The following CSMD3 variants were observed in gnomAD, a reference collection of about 807,000 sequenced individuals.
The protein encoded by CSMD3 is CUB and sushi domain-containing protein 3.
In CSMD3, 177 loss-of-function variants were observed where a neutral mutation model predicts 435.2. The ratio of observed to expected loss-of-function variants is 0.41; its 90% CI spans 0.36 to 0.46. The LOEUF is 0.46. Among genes scored for constraint, CSMD3 ranks in the 20% least tolerant of loss-of-function variants. The probability of loss-of-function intolerance (pLI) is 0.34; values close to 1 mark genes in which losing one functional copy is unlikely to be tolerated. For missense variants in CSMD3, 4,265 were observed against 4,504.6 expected (o/e 0.95, Z 1.52); for synonymous variants, 1,656 against 1,520.5 (o/e 1.09, Z -2.07).
intron 3 of CSMD3, among the ~76,000 whole-genome samples, chr8:113,273,130 T>C (rs543783751): frequency 3.4e-4 from 51 of 152,070 alleles, no homozygotes; most frequent in African/African-American, 1.2e-3. Flanking sequence ...CCTATAAATA[T>C]GTATAATTAT....
At chr8:113,197,063 A>G (rs889999604) in intron 3 of CSMD3, among the ~76,000 whole-genome samples, 2 of 151,258 alleles carry the variant, frequency 1.3e-5, no homozygotes, top group Admixed American at 6.6e-5. Context: ...AAAGTGTTCA[A>G]TAAACATTCA....
chr8:112,227,408 G>C (rs1254296970), intron 70 of CSMD3, among the ~76,000 whole-genome samples: 2 of 152,106 alleles, frequency 1.3e-5, no homozygotes, highest in African/African-American at 4.8e-5. Flanking sequence ...GGGGAGTGAG[G>C]AGTGACAACT....
intron 17 of CSMD3, among the ~76,000 whole-genome samples, chr8:112,656,752 A>T (rs2075267590): frequency 6.6e-6 from 1 of 152,046 alleles, no homozygotes; most frequent in Non-Finnish European, 1.5e-5. Flanking sequence ...CAAATTTGAC[A>T]TCTGCTTTTA....
At chr8:113,172,544 C>G (rs1406986733) in intron 4 of CSMD3, among the ~76,000 whole-genome samples, 1 of 152,130 alleles carries the variant, frequency 6.6e-6, no homozygotes, top group Non-Finnish European at 1.5e-5. Flanking sequence ...CTTATTTAAT[C>G]CTCACAAGAA....
chr8:112,526,554 G>T (rs904472084), intron 27 of CSMD3, among the ~76,000 whole-genome samples: 1 of 151,924 alleles, frequency 6.6e-6, no homozygotes. Context: ...TATGAATTTT[G>T]TGTATACAAC....
intron 13 of CSMD3, among the ~76,000 whole-genome samples, chr8:112,749,037 C>G (rs971693135): frequency 7.9e-5 from 12 of 152,130 alleles, no homozygotes; most frequent in African/African-American, 2.9e-4. Context: ...GCCATTCTGA[C>G]TGGTGTGAGA....
chr8:113,354,024 A>C (rs2094206099), intron 1 of CSMD3, among the ~76,000 whole-genome samples: 1 of 152,152 alleles, frequency 6.6e-6, no homozygotes, highest in Non-Finnish European at 1.5e-5. Context: ...TTTTTAATAA[A>C]AGTGTACAAA....
chr8:112,571,812 T>A (rs1829541694), intron 24 of CSMD3, among the ~76,000 whole-genome samples: 1 of 147,292 alleles, frequency 6.8e-6, no homozygotes, highest in Non-Finnish European at 1.5e-5. Flanking sequence ...GAGGTTGCAG[T>A]AAGCAAAGAT....
intron 35 of CSMD3, among the ~76,000 whole-genome samples, chr8:112,401,070 A>G (rs1409300497): frequency 6.6e-6 from 1 of 152,042 alleles, no homozygotes; most frequent in Non-Finnish European, 1.5e-5. Flanking sequence ...TTAGCCAGGC[A>G]TGGTAGTGCA....
intron 10 of CSMD3, among the ~76,000 whole-genome samples, chr8:112,894,448 T>A (rs537337370): frequency 1.1e-4 from 16 of 151,442 alleles, no homozygotes; most frequent in African/African-American, 3.4e-4. Context: ...GACAAAAATA[T>A]TAGTATAATA....
intron 13 of CSMD3, among the ~76,000 whole-genome samples, chr8:112,710,722 C>T (rs2076592318): frequency 6.6e-6 from 1 of 151,350 alleles, no homozygotes; most frequent in Admixed American, 6.6e-5. Context: ...ATACTTTATA[C>T]ACATTTTAAA....
At chr8:112,323,244 C>T (rs1426767555) in intron 45 of CSMD3, among the ~76,000 whole-genome samples, 1 of 151,994 alleles carries the variant, frequency 6.6e-6, no homozygotes, top group Non-Finnish European at 1.5e-5. Context: ...TCATAAGTAG[C>T]TTGCAACAAT....
intron 1 of CSMD3, among the ~76,000 whole-genome samples, chr8:113,322,019 A>G (rs1365191938): frequency 1.3e-5 from 2 of 152,186 alleles, no homozygotes; most frequent in Non-Finnish European, 2.9e-5. Context: ...CACAACAAAT[A>G]TACAAAATGT....
rs188592964 is a variant in CSMD3, at chr8:112,478,773, C to T, written c.5279-6066G>A. Among the ~76,000 whole-genome samples, 500 of 152,244 alleles carry T rather than the reference C, an allele frequency of 3.3e-3. 1 individual carries two copies. Among genetic ancestry groups the T allele is most frequent in the African/African-American group, 1.0e-2 (414 of 41,540 alleles). On this transcript the variant is annotated intron_variant, in intron 31 of 70. Coordinates refer to ENST00000297405, the MANE Select transcript of CSMD3 (RefSeq NM_198123.2). The stretch of plus-strand genomic sequence containing the variant: ...CAGACTGCTGGTCCTGGATGAAACC[C>T]GCGACCCAGAGTGAGAACTTCTGTT...
chr8:112,307,132 GT>G (rs1554636921), intron 50 of CSMD3, among the ~76,000 whole-genome samples: 1 of 148,846 alleles, frequency 6.7e-6, no homozygotes, highest in Non-Finnish European at 1.5e-5. Context: ...TTTGTTTTTT[GT>G]TTTTTTTTGA....
At chr8:112,678,035 A>T (rs1031495131) in intron 16 of CSMD3, among the ~76,000 whole-genome samples, 3 of 152,174 alleles carry the variant, frequency 2.0e-5, no homozygotes, top group Non-Finnish European at 4.4e-5. Context: ...TTTTAAGCAC[A>T]TATTTATCTA....
At chr8:113,196,088 T>C (rs73346371) in intron 3 of CSMD3, among the ~76,000 whole-genome samples, 1 of 151,032 alleles carries the variant, frequency 6.6e-6, no homozygotes, top group Admixed American at 6.6e-5. Context: ...CTCCACGAGA[T>C]ACTTATCTAA....
At chr8:113,131,261 T>A (rs140777856) in intron 4 of CSMD3, among the ~76,000 whole-genome samples, 231 of 151,968 alleles carry the variant, frequency 1.5e-3, no homozygotes, top group African/African-American at 5.0e-3. Context: ...GGGGAAAATA[T>A]CCCCAGGGCA....
At chr8:113,344,642 C>G (rs541404556) in intron 1 of CSMD3, among the ~76,000 whole-genome samples, 5 of 152,190 alleles carry the variant, frequency 3.3e-5, no homozygotes, top group African/African-American at 1.2e-4. Context: ...ATACCAACAA[C>G]AAGTATAGTC....
Sources: gnomAD v4.1 joint callset for allele counts (sites outside exome capture counted in the v4.1 genomes callset) on GRCh38, gnomAD v4.1.1 for gene constraint, MANE v1.5 for transcripts, NCBI Gene and HGNC (gene_info 2026-07-23, HGNC 2026-07-21) for gene names.